Variants in PLCG2 observed in about 807,000 individuals in gnomAD.
PLCG2 encodes the protein 1-phosphatidylinositol 4,5-bisphosphate phosphodiesterase gamma-2.
A neutral mutation model predicts 175.6 loss-of-function variants in PLCG2; 69 were observed. The ratio of observed to expected loss-of-function variants is 0.39; its 90% CI spans 0.32 to 0.48. The LOEUF (loss-of-function observed/expected upper bound fraction) is 0.48, where lower values mean the gene tolerates loss of function less well. PLCG2 is among the 20% of genes least tolerant of loss of function. The pLI is 0.91. For synonymous variants in PLCG2, 827 were observed against 624.0 expected, an observed-to-expected ratio of 1.33 and a Z score of -4.85; for missense variants, 1,798 against 1,650.9, an observed-to-expected ratio of 1.09 and a Z score of -1.54.
intron 1 of PLCG2, among the ~76,000 whole-genome samples, chr16:81,748,926 T>G (rs1909754559): frequency 6.6e-6 from 1 of 152,210 alleles, no homozygotes; most frequent in Non-Finnish European, 1.5e-5. Context: ...TGACTATGAC[T>G]GTACCTGGCT....
chr16:81,834,591 AGCTGCTGCTGCT>A (rs112113666), intron 2 of PLCG2, among the ~76,000 whole-genome samples: 1 of 151,240 alleles, frequency 6.6e-6, no homozygotes, highest in Admixed American at 6.6e-5. Context: ...GGATCTGCAG[AGCTGCTGCTGCT>A]GCTGCTGCTG....
intron 1 of PLCG2, among the ~76,000 whole-genome samples, chr16:81,780,574 C>T (rs1910683498): frequency 6.6e-6 from 1 of 152,196 alleles, no homozygotes. Context: ...TTGTGAGCCT[C>T]ACTGATGTTT....
chr16:81,862,503 G>T (rs994877140), intron 5 of PLCG2, among the ~76,000 whole-genome samples: 3 of 152,216 alleles, frequency 2.0e-5, no homozygotes, highest in African/African-American at 7.2e-5. Flanking sequence ...CAGGTTGTCA[G>T]GGGTGGCACC....
intron 14 of PLCG2, 35 bp downstream of exon 14, chr16:81,900,815 G>T: frequency 6.4e-7 from 1 of 1,573,660 alleles, no homozygotes; most frequent in Non-Finnish European, 8.7e-7. Context: ...GGCTGTCCAG[G>T]GAGCCCAGTG....
At chr16:81,864,044 A>C (rs1031003167) in intron 5 of PLCG2, among the ~76,000 whole-genome samples, 3 of 152,156 alleles carry the variant, frequency 2.0e-5, no homozygotes, top group African/African-American at 7.2e-5. Flanking sequence ...CAAATTTTTT[A>C]AATAAGATTC....
intron 2 of PLCG2, among the ~76,000 whole-genome samples, chr16:81,794,184 T>C (rs1163222811): frequency 1.3e-5 from 2 of 152,258 alleles, no homozygotes; most frequent in South Asian, 2.1e-4. Context: ...AAACACAGCC[T>C]GGAAAAGGGC....
intron 2 of PLCG2, among the ~76,000 whole-genome samples, chr16:81,759,674 C>T (rs767557739): frequency 1.8e-4 from 28 of 152,186 alleles, no homozygotes; most frequent in African/African-American, 5.5e-4. Flanking sequence ...CTACTGTTGC[C>T]GCTTTCTAGA....
chr16:81,913,949 G>A (rs1909736750), intron 19 of PLCG2, among the ~76,000 whole-genome samples: 1 of 152,246 alleles, frequency 6.6e-6, no homozygotes, highest in South Asian at 2.1e-4. Flanking sequence ...TCCAGCCAGA[G>A]AGCAGCCTCC....
chr16:81,869,280 C>T lies in PLCG2; in HGVS notation c.546C>T (p.Phe182=). The change falls in exon 6 of 33, where the codon TTC becomes TTT. Residue 182 remains phenylalanine, a synonymous_variant. Coordinates refer to ENST00000564138, the MANE Select transcript of PLCG2 (RefSeq NM_002661.5). Reference sequence around the variant, plus strand: ...ACTTTAAAGTGAGCAGTGCCAAGTTCCTTAAAGATAAGTTTGTGGTAAGTT... The same window carrying T: ...ACTTTAAAGTGAGCAGTGCCAAGTTTCTTAAAGATAAGTTTGTGGTAAGTT... The part of the protein sequence containing the change: ...LINFKVSSAK[F]LKDKFVEIGA... 6.2e-7 allele frequency: 1 copy of T among 1,612,670 alleles called. No homozygotes were observed. Among genetic ancestry groups the T allele is most frequent in the Non-Finnish European group, 8.5e-7 (1 of 1,178,666 alleles).
chr16:81,753,137 G>A (rs966209283), intron 1 of PLCG2, among the ~76,000 whole-genome samples: 1 of 104,596 alleles, frequency 9.6e-6, no homozygotes, highest in African/African-American at 2.8e-5. Flanking sequence ...TCCCGGCCTC[G>A]CACCCTTCCA....
chr16:81,877,674 A>T (rs749496934), intron 7 of PLCG2, among the ~76,000 whole-genome samples: 9 of 152,248 alleles, frequency 5.9e-5, no homozygotes, highest in South Asian at 2.1e-4. Context: ...GCAGTCCTAC[A>T]AGTGTTCCTC....
chr16:81,874,262 T>G (rs7189462), intron 7 of PLCG2, among the ~76,000 whole-genome samples: 85,020 of 152,084 alleles, frequency 0.56, 24,181 homozygotes, highest in Middle Eastern at 0.63. Flanking sequence ...AACGGTCCAC[T>G]TTCTCTGTAT....
At chr16:81,763,761 G>A (rs1229796925) in intron 2 of PLCG2, among the ~76,000 whole-genome samples, 1 of 152,120 alleles carries the variant, frequency 6.6e-6, no homozygotes, top group Non-Finnish European at 1.5e-5. Flanking sequence ...GAGGTCTGGA[G>A]TTCGAGACCA....
intron 2 of PLCG2, among the ~76,000 whole-genome samples, chr16:81,787,598 C>G (rs4584816): frequency 4.3e-4 from 64 of 149,880 alleles, no homozygotes; most frequent in African/African-American, 1.5e-3. Context: ...ATAGAATTCA[C>G]CCATTGTATG....
intron 14 of PLCG2, among the ~76,000 whole-genome samples, chr16:81,902,959 G>A (rs984926812): frequency 7.9e-5 from 12 of 152,106 alleles, no homozygotes; most frequent in East Asian, 3.8e-4. Context: ...TGAAAGGCCC[G>A]CCCCCATGAT....
intron 22 of PLCG2, among the ~76,000 whole-genome samples, chr16:81,925,548 A>G (rs1026614609): frequency 2.6e-5 from 4 of 152,158 alleles, no homozygotes; most frequent in East Asian, 3.9e-4. Flanking sequence ...AGACCAAAAA[A>G]TTGTTAAGTT....
chr16:81,898,706 T>A (rs747059044), intron 13 of PLCG2: 4 of 152,182 alleles, frequency 2.6e-5, no homozygotes, highest in Non-Finnish European at 4.4e-5. Flanking sequence ...GTATATTTCT[T>A]GGATAACTGG....
At chr16:81,843,666 T>A (rs1905954511) in intron 2 of PLCG2, among the ~76,000 whole-genome samples, 1 of 152,242 alleles carries the variant, frequency 6.6e-6, no homozygotes, top group African/African-American at 2.4e-5. Context: ...TATACAGTAA[T>A]GTTTCTGAAT....
At chr16:81,761,704 A>G (rs1194533803) in intron 2 of PLCG2, among the ~76,000 whole-genome samples, 1 of 152,126 alleles carries the variant, frequency 6.6e-6, no homozygotes. Flanking sequence ...TGTATTTGCT[A>G]TGTAGTTGTT....
Sources: gnomAD v4.1 joint callset for allele counts (sites outside exome capture counted in the v4.1 genomes callset) on GRCh38, gnomAD v4.1.1 for gene constraint, MANE v1.5 for transcripts, NCBI Gene and HGNC (gene_info 2026-07-23, HGNC 2026-07-21) for gene names.